The following TTC23L variants were observed in gnomAD, a reference collection of about 807,000 sequenced individuals.
The protein encoded by TTC23L is tetratricopeptide repeat protein 23-like.
A neutral mutation model predicts 48.1 loss-of-function variants in TTC23L; 42 were observed. That is an observed-to-expected ratio of 0.87 (90% confidence interval 0.68 to 1.13). TTC23L has a LOEUF of 1.13. Ranked by LOEUF, TTC23L falls within the 50% of genes most tolerant of loss-of-function variation. The pLI, the probability that TTC23L is intolerant of heterozygous loss-of-function variation, is 0.00. For missense variants in TTC23L, 391 were observed against 421.0 expected (o/e 0.93, Z 0.62); for synonymous variants, 159 against 157.2 (o/e 1.01, Z -0.09).
At chr5:34,915,076 C>A in the TTC23L span, 60 of 605,144 alleles carry the variant, frequency 9.9e-5, no homozygotes, top group Admixed American at 2.4e-4. Flanking sequence ...CAGGCCGAAC[C>A]CCACCTATGT....
chr5:34,855,656 G>A (rs1399522119), intron 4 of TTC23L, among the ~76,000 whole-genome samples: 1 of 152,186 alleles, frequency 6.6e-6, no homozygotes, highest in African/African-American at 2.4e-5. Flanking sequence ...TAGGAAACTA[G>A]TACATACACA....
the TTC23L span, chr5:34,916,453 T>C: frequency 6.6e-6 from 1 of 152,260 alleles, no homozygotes; most frequent in Non-Finnish European, 1.5e-5. Flanking sequence ...GAATGTGCCA[T>C]GCACTGTACC....
chr5:34,861,351 A>T (rs779270494), intron 4 of TTC23L: 3 of 166,378 alleles, frequency 1.8e-5, no homozygotes, highest in Admixed American at 1.8e-4. Context: ...GAACTTCATC[A>T]TCCTATTTGG....
downstream of TTC23L, among the ~76,000 whole-genome samples, chr5:34,901,773 A>C (rs1226773347): frequency 1.3e-5 from 2 of 151,958 alleles, no homozygotes; most frequent in Non-Finnish European, 2.9e-5. Flanking sequence ...AAAAACAAAA[A>C]CAAAACAACA....
In TTC23L at chr5:34,860,124, G is replaced by A. The variant is rs558199387; in HGVS notation, c.380-2774G>A. ...GGCCTCCCAAAGTGCTGGGATTACA[G>A]GCGTGAGCCACTGTGCCCGGGCTGC... On this transcript the variant is annotated intron_variant, in intron 4 of 10. Transcript: ENST00000505624. 2.1e-4 allele frequency among the ~76,000 whole-genome samples: 32 copies of A among 152,218 alleles called. No homozygotes were observed. The East Asian group carries it at 5.2e-3, about 25-fold the overall frequency.
At chr5:34,911,259 T>C in the TTC23L span, among the ~76,000 whole-genome samples, 3 of 152,182 alleles carry the variant, frequency 2.0e-5, no homozygotes, top group Non-Finnish European at 4.4e-5. Context: ...TTCCTCATGA[T>C]GTAACCTGAT....
chr5:34,879,729 G>A (rs896611972), intron 8 of TTC23L, among the ~76,000 whole-genome samples: 3 of 152,154 alleles, frequency 2.0e-5, no homozygotes, highest in Non-Finnish European at 4.4e-5. Flanking sequence ...TCGGTGCGGT[G>A]GCTCATGCCT....
chr5:34,864,373 CACCTGCTGT>C, intron 5 of TTC23L, 55 bp from the exon 6 acceptor site: 1 of 1,558,526 alleles, frequency 6.4e-7, no homozygotes, highest in Non-Finnish European at 8.7e-7. Context: ...GTTTCCTTAT[CACCTGCTGT>C]CCCTGTGCAG....
the TTC23L span, chr5:34,913,766 TA>T: frequency 1.8e-6 from 1 of 570,676 alleles, no homozygotes; most frequent in Non-Finnish European, 3.2e-6. Context: ...TTCCTGGATC[TA>T]AAACTATCCC....
At chr5:34,853,142 A>G (rs1051084686) in intron 4 of TTC23L, among the ~76,000 whole-genome samples, 1 of 152,160 alleles carries the variant, frequency 6.6e-6, no homozygotes, top group Non-Finnish European at 1.5e-5. Flanking sequence ...TTGGTTTCTG[A>G]AAGCAGGTCT....
At chr5:34,915,886 C>G in the TTC23L span, 1 of 1,555,564 alleles carries the variant, frequency 6.4e-7, no homozygotes, top group Admixed American at 2.0e-5. Context: ...GATCCCAGGC[C>G]CCGTTTGCAA....
intron 3 of TTC23L, among the ~76,000 whole-genome samples, chr5:34,846,351 G>A (rs1759138723): frequency 6.6e-6 from 1 of 151,424 alleles, no homozygotes; most frequent in African/African-American, 2.4e-5. Context: ...CCTGATGTCA[G>A]GAGTTCAAGA....
chr5:34,858,619 TACA>T (rs1760319405), intron 4 of TTC23L, among the ~76,000 whole-genome samples: 1 of 152,184 alleles, frequency 6.6e-6, no homozygotes, highest in East Asian at 1.9e-4. Flanking sequence ...ATAGATTGTG[TACA>T]ACAGTATTGA....
At chr5:34,899,572 G>C (rs1283679322), downstream of TTC23L, 1 of 152,488 alleles carries the variant, frequency 6.6e-6, no homozygotes, top group Non-Finnish European at 1.5e-5. Flanking sequence ...CAGCATTCCA[G>C]GTGAAATACC....
At position 34,850,553 on chromosome 5, in the gene TTC23L, A is replaced by G. The variant is rs188199169; in HGVS notation, c.379+245A>G. ...CAAACTGGTCTCATTAGTCCTCACA[A>G]TATTCCTTGGAGGGAGATACTATTA... On this transcript the variant is annotated intron_variant, in intron 4 of 10. Coordinates refer to ENST00000505624, the Ensembl canonical transcript of TTC23L. Among the ~76,000 whole-genome samples, 893 of 152,332 alleles carry G rather than the reference A, an allele frequency of 5.9e-3. 2 individuals are homozygous for G. Among genetic ancestry groups the G allele is most frequent in the Middle Eastern group, 0.01 (3 of 294 alleles).
intron 9 of TTC23L, among the ~76,000 whole-genome samples, chr5:34,890,457 A>C (rs1762798189): frequency 6.6e-6 from 1 of 151,604 alleles, no homozygotes; most frequent in Non-Finnish European, 1.5e-5. Context: ...AAAAAAAAAA[A>C]AAAAAAAAGG....
At chr5:34,865,194 T>C (rs1173635031) in intron 6 of TTC23L, among the ~76,000 whole-genome samples, 3 of 152,206 alleles carry the variant, frequency 2.0e-5, no homozygotes, top group Non-Finnish European at 4.4e-5. Flanking sequence ...AGAAAAAGAA[T>C]AAAGAGTTTA....
chr5:34,911,957 A>G, the TTC23L span: 7 of 944,410 alleles, frequency 7.4e-6, no homozygotes, highest in South Asian at 5.0e-5. Context: ...AAGGGATGAC[A>G]TCTTCCCTGA....
At chr5:34,867,178 TTC>T (rs775804395) in intron 7 of TTC23L, 109 bp downstream of exon 7, 3 of 1,197,102 alleles carry the variant, frequency 2.5e-6, no homozygotes, top group South Asian at 1.3e-5. Context: ...CTGGAATTGA[TTC>T]TGTTTTAACC....
Sources: gnomAD v4.1 joint callset for allele counts (sites outside exome capture counted in the v4.1 genomes callset) on GRCh38, gnomAD v4.1.1 for gene constraint, MANE v1.5 for transcripts, NCBI Gene and HGNC (gene_info 2026-07-23, HGNC 2026-07-21) for gene names.